PATJ: variants seen among roughly 807,000 people sequenced by gnomAD.
PATJ encodes the protein PATJ crumbs cell polarity complex component.
In PATJ, 190 loss-of-function variants were observed where a neutral mutation model predicts 224.9. The observed-to-expected ratio is 0.84, with a 90% CI of 0.75 to 0.95. The LOEUF (loss-of-function observed/expected upper bound fraction) is 0.95, where lower values mean the gene tolerates loss of function less well. Among genes scored for constraint, PATJ ranks in the 40% least tolerant of loss-of-function variants. The pLI, the probability that PATJ is intolerant of heterozygous loss-of-function variation, is 0.00. For synonymous variants in PATJ, 769 were observed against 820.3 expected (o/e 0.94, Z 1.07); for missense variants, 2,121 against 2,270.3 (o/e 0.93, Z 1.34).
At chr1:61,758,639 GC>G (rs895650069) in intron 1 of PATJ, among the ~76,000 whole-genome samples, 4 of 152,198 alleles carry the variant, frequency 2.6e-5, no homozygotes, top group Admixed American at 1.3e-4. Context: ...GAGCCACCAC[GC>G]CCGGCCCTAC....
At chr1:61,821,190 G>A (rs1316879977) in intron 14 of PATJ, among the ~76,000 whole-genome samples, 2 of 151,966 alleles carry the variant, frequency 1.3e-5, no homozygotes, top group Non-Finnish European at 1.5e-5. Context: ...GACTACAGGC[G>A]CCTGCCACCA....
chr1:62,114,579 A>G lies in PATJ; in HGVS notation c.4655+333A>G, dbSNP rs567463300. 3.1e-4 allele frequency: 65 copies of G among 212,130 alleles called. 1 individual carries two copies. The highest frequency in any genetic ancestry group is 9.9e-4 in the South Asian group (10 of 10,066). The allele number at this position is 212,130 out of a possible 1,614,324, so 13.1% of individuals were successfully genotyped here. ...CCATACCCAAGAAATAGCTAGCATC[A>G]AGAATGAGATTTATCCAATGTTGGG... On this transcript the variant is annotated intron_variant, in intron 35 of 43. Transcript: ENST00000642238.
chr1:61,941,429 T>A (rs755600751), intron 27 of PATJ, among the ~76,000 whole-genome samples: 22 of 152,114 alleles, frequency 1.4e-4, no homozygotes, highest in Non-Finnish European at 2.8e-4. Context: ...GGCAGGCAGA[T>A]CTCTCGAGAT....
chr1:61,934,816 G>A (rs942800952), intron 27 of PATJ, among the ~76,000 whole-genome samples: 8 of 152,122 alleles, frequency 5.3e-5, no homozygotes, highest in African/African-American at 1.2e-4. Context: ...TATATGCCTC[G>A]GATAGTCAAC....
At position 62,047,227 on chromosome 1, in the gene PATJ, A is replaced by G. The variant is rs1032304288; in HGVS notation, c.4033-3739A>G. On this transcript the variant is annotated intron_variant, in intron 30 of 43. Transcript: ENST00000642238. ...CTAACAGAACCTGTGGGTTCGTTCT[A>G]CAGTCTAATGTGCTGCAGCTACAAA... is the stretch of plus-strand genomic sequence containing the variant. Among the ~76,000 whole-genome samples the G allele has an allele frequency of 2.6e-5, 4 of 152,192 alleles. No individual in the cohort carries two copies. The East Asian group carries it at 7.7e-4, about 29-fold the overall frequency.
At chr1:62,002,252 G>C (rs568249605) in intron 28 of PATJ, among the ~76,000 whole-genome samples, 1 of 152,224 alleles carries the variant, frequency 6.6e-6, no homozygotes, top group African/African-American at 2.4e-5. Flanking sequence ...GAGTCTCAAC[G>C]TCGTCATTAC....
intron 29 of PATJ, among the ~76,000 whole-genome samples, chr1:62,026,928 A>G (rs1648067672): frequency 6.6e-6 from 1 of 152,200 alleles, no homozygotes; most frequent in South Asian, 2.1e-4. Context: ...TCATAGCAAC[A>G]TTATTTGCTG....
At chr1:61,770,814 G>GTCTCAGCTACTCGTGAGACTGAGA (rs1557612832) in intron 5 of PATJ, among the ~76,000 whole-genome samples, 1 of 151,570 alleles carries the variant, frequency 6.6e-6, no homozygotes. Flanking sequence ...TGAGACTGAG[G>GTCTCAGCTACTCGTGAGACTGAGA]TGGGAGAATC....
intron 27 of PATJ, among the ~76,000 whole-genome samples, chr1:61,937,407 C>T (rs969092866): frequency 3.3e-5 from 5 of 151,852 alleles, no homozygotes; most frequent in Admixed American, 3.3e-4. Flanking sequence ...AATTAGGAAA[C>T]TTTATTAAAG....
intron 17 of PATJ, among the ~76,000 whole-genome samples, chr1:61,837,025 C>T (rs1280549683): frequency 6.6e-6 from 1 of 152,192 alleles, no homozygotes; most frequent in Admixed American, 6.5e-5. Context: ...AGTTTAACCA[C>T]TTTTCTCATG....
At chr1:62,110,285 G>C (rs1202364608) in intron 34 of PATJ, among the ~76,000 whole-genome samples, 4 of 152,270 alleles carry the variant, frequency 2.6e-5, no homozygotes, top group Non-Finnish European at 4.4e-5. Flanking sequence ...GACTGGTTCT[G>C]GTTGTGGCTG....
At chr1:61,773,606 G>A (rs1646740693) in intron 6 of PATJ, among the ~76,000 whole-genome samples, 1 of 151,618 alleles carries the variant, frequency 6.6e-6, no homozygotes, top group African/African-American at 2.4e-5. Context: ...GGTCAACATG[G>A]TGAAACCCTG....
intron 27 of PATJ, among the ~76,000 whole-genome samples, chr1:61,975,967 A>G (rs1267612509): frequency 1.3e-5 from 2 of 151,988 alleles, no homozygotes; most frequent in African/African-American, 2.4e-5. Flanking sequence ...ATTTTCTATT[A>G]CCACATGCTA....
At chr1:61,880,171 TTC>T (rs1246275994) in intron 21 of PATJ, among the ~76,000 whole-genome samples, 2 of 152,226 alleles carry the variant, frequency 1.3e-5, no homozygotes, top group Non-Finnish European at 2.9e-5. Flanking sequence ...CTTATTTTCC[TTC>T]TTAGACCTTA....
At chr1:62,040,208 A>C (rs1651213000) in intron 30 of PATJ, among the ~76,000 whole-genome samples, 2 of 151,026 alleles carry the variant, frequency 1.3e-5, no homozygotes, top group Non-Finnish European at 2.9e-5. Flanking sequence ...TCTCGGGTTC[A>C]AGCGATTCTT....
Position 61,833,718 on chromosome 1 carries a change from C to T in PATJ, c.2045C>T (p.Pro682Leu), listed in dbSNP as rs1202933418. Residue 682 changes from proline to leucine, a missense_variant, in exon 17 of 44, where the codon CCT becomes CTT. Physicochemically the swap from Pro to Leu is moderately conservative, Grantham distance 98. Transcript: ENST00000642238. ...GATGGGGAATTAGCACTGTGGTCCC[C>T]TGAAGTCAAGATTGTTGAACTAGTA... is the stretch of plus-strand genomic sequence containing the variant. ...DDDGELALWS[P>L]EVKIVELVKD... 2.5e-6 allele frequency: 4 copies of T among 1,613,472 alleles called. No homozygotes were observed. The highest frequency in any genetic ancestry group is 3.4e-6 in the Non-Finnish European group (4 of 1,179,656).
At chr1:62,000,770 C>T (rs1199572564) in intron 28 of PATJ, among the ~76,000 whole-genome samples, 1 of 150,982 alleles carries the variant, frequency 6.6e-6, no homozygotes, top group Non-Finnish European at 1.5e-5. Context: ...GAGGGATCGC[C>T]ACACTGACTT....
chr1:61,882,698 G>A (rs752638161), intron 21 of PATJ, among the ~76,000 whole-genome samples: 2 of 152,088 alleles, frequency 1.3e-5, no homozygotes, highest in African/African-American at 2.4e-5. Context: ...TGATCCTCCT[G>A]CCTCAGCCTT....
At chr1:62,000,328 C>T (rs1469245187) in intron 28 of PATJ, among the ~76,000 whole-genome samples, 2 of 148,712 alleles carry the variant, frequency 1.3e-5, no homozygotes, top group South Asian at 4.4e-4. Context: ...GGTATATCTC[C>T]TAATGCTATG....
Sources: allele counts gnomAD v4.1 joint callset (sites outside exome capture counted in the v4.1 genomes callset), GRCh38; gene constraint gnomAD v4.1.1; transcripts MANE v1.5; gene names NCBI Gene and HGNC (gene_info 2026-07-23, HGNC 2026-07-21).